The following MOV10L1 variants were observed in gnomAD, a reference collection of about 807,000 sequenced individuals.
The protein encoded by MOV10L1 is Mov10 like RNA helicase 1.
MOV10L1 carries 110 observed loss-of-function variants against 143.8 expected under a neutral mutation model. That is an observed-to-expected ratio of 0.76 (90% confidence interval 0.66 to 0.90). The LOEUF (loss-of-function observed/expected upper bound fraction) is 0.90, where lower values mean the gene tolerates loss of function less well. MOV10L1 is among the 40% of genes least tolerant of loss of function. The pLI is 0.00. For synonymous variants in MOV10L1, 593 were observed against 581.1 expected (o/e 1.02, Z -0.29); for missense variants, 1,406 against 1,526.8 (o/e 0.92, Z 1.32).
chr22:50,136,591 G>A (rs1218824413), intron 15 of MOV10L1, among the ~76,000 whole-genome samples: 1 of 152,216 alleles, frequency 6.6e-6, no homozygotes, highest in Non-Finnish European at 1.5e-5. Context: ...TTCCGAGAGT[G>A]TCTAGGCCAG....
Position 50,090,069 on chromosome 22 carries a change from G to C in MOV10L1, c.-20G>C, listed in dbSNP as rs887952542. 19 of 1,260,216 alleles carry C rather than the reference G, an allele frequency of 1.5e-5. No individual in the cohort carries two copies. The highest frequency in any genetic ancestry group is 1.9e-5 in the Non-Finnish European group (19 of 1,000,208). 78.1% of individuals were successfully genotyped at this position (1,260,216 alleles called of 1,614,324 possible). On this transcript the variant is annotated 5_prime_UTR_variant, in exon 1 of 27. Coordinates refer to ENST00000262794, the MANE Select transcript of MOV10L1 (RefSeq NM_018995.3). ...GGCGGCGGCAGCGGCGGTGACGGCA[G>C]CCTAGGCCGGGCGAGGGCCATGCTG...
intron 3 of MOV10L1, among the ~76,000 whole-genome samples, chr22:50,107,827 G>T (rs993764918): frequency 1.3e-5 from 2 of 152,164 alleles, no homozygotes; most frequent in South Asian, 2.1e-4. Context: ...ACTGCAGGAC[G>T]GGGGAAGGGG....
At chr22:50,108,409 T>C in intron 4 of MOV10L1, 161 bp downstream of exon 4, 1 of 810,888 alleles carries the variant, frequency 1.2e-6, no homozygotes, top group Non-Finnish European at 2.1e-6. Context: ...AATGCTGTGT[T>C]TCGTTTGGAA....
chr22:50,092,005 C>T lies in MOV10L1; in HGVS notation c.102C>T (p.Asp34=), dbSNP rs755347620. 8.1e-6 allele frequency: 13 copies of T among 1,613,054 alleles called. No individual in the cohort carries two copies. The Admixed American group carries it at 1.3e-4, about 17-fold the overall frequency. The change falls in exon 2 of 27, where the codon GAC becomes GAT. Residue 34 remains aspartate (D), a synonymous_variant. Coordinates refer to ENST00000262794, the MANE Select transcript of MOV10L1 (RefSeq NM_018995.3). ...TTCTTTGTTTACCTACCTCAGGTGA[C>T]ACTAAGCTGAAAACTGTACGGGGTG... ...GQLEPELAEG[D]TKLKTVRGVV... is the part of the protein sequence containing the mutation.
rs146079906 is a variant in MOV10L1, at chr22:50,108,838, A to G, written c.737A>G (p.Lys246Arg). ...VWRALCMTLV[K>R]RRDAAPVHEA... ...AGGGCACTTTGTATGACCCTAGTGA[A>G]GAGGCGGTAAGAAAATGCTTTTCTG... The change falls in exon 5 of 27, where the codon AAG becomes AGG. Residue 246 changes from lysine to arginine, a missense_variant. Around this residue, in one of 3 missense-constraint regions of MOV10L1, gnomAD observed 1,233 missense variants for 1,351.4 expected, o/e 0.91. Coordinates refer to ENST00000262794, the MANE Select transcript of MOV10L1 (RefSeq NM_018995.3). The G allele has an allele frequency of 1.2e-6, 2 of 1,613,754 alleles. No individual in the cohort carries two copies. The highest frequency in any genetic ancestry group is 1.3e-5 in the African/African-American group (1 of 74,930).
intron 10 of MOV10L1, among the ~76,000 whole-genome samples, chr22:50,123,435 G>C (rs2062409585): frequency 6.6e-6 from 1 of 152,154 alleles, no homozygotes; most frequent in Admixed American, 6.5e-5. Flanking sequence ...CTCAGTCACT[G>C]CTCACTGCAG....
chr22:50,108,896 G>A (rs13056756), intron 5 of MOV10L1, 52 bp downstream of exon 5: 78 of 1,573,944 alleles, frequency 5.0e-5, no homozygotes, highest in Middle Eastern at 1.9e-4. Flanking sequence ...TGTAATCCTA[G>A]CACTTTGGGA....
chr22:50,108,193 C>T lies in MOV10L1; in HGVS notation c.500C>T (p.Thr167Met), dbSNP rs140089744. Reference protein sequence around the residue: ...VEAEYRIRPGTWSSEATSVKP... With the variant: ...VEAEYRIRPGMWSSEATSVKP... ...GCTGAGTACCGGATCCGGCCTGGCACGTGGAGCAGCGAAGCCACCTCAGTG... is the reference window on the plus strand; with the variant it reads ...GCTGAGTACCGGATCCGGCCTGGCATGTGGAGCAGCGAAGCCACCTCAGTG... The change falls in exon 4 of 27, where the codon ACG becomes ATG. Residue 167 changes from threonine to methionine, a missense_variant. Transcript: ENST00000262794. 2.1e-4 allele frequency: 347 copies of T among 1,614,058 alleles called. No individual in the cohort carries two copies. Among genetic ancestry groups the T allele is most frequent in the African/African-American group, 2.1e-3 (154 of 75,020 alleles).
intron 19 of MOV10L1, among the ~76,000 whole-genome samples, chr22:50,148,299 G>T (rs548684658): frequency 6.6e-6 from 1 of 152,246 alleles, no homozygotes; most frequent in African/African-American, 2.4e-5. Flanking sequence ...TGGGGTGGGC[G>T]AGCCAGGGAA....
chr22:50,099,836 A>T (rs4838828), intron 3 of MOV10L1, among the ~76,000 whole-genome samples: 34,056 of 151,958 alleles, frequency 0.22, 4,179 homozygotes, highest in Admixed American at 0.35. Flanking sequence ...GCTACACACA[A>T]CATTGAAGGG....
chr22:50,147,870 C>T (rs933741860), intron 19 of MOV10L1, among the ~76,000 whole-genome samples: 1 of 152,204 alleles, frequency 6.6e-6, no homozygotes, highest in African/African-American at 2.4e-5. Flanking sequence ...GAGGGGTTCA[C>T]GGTGTCACTT....
chr22:50,137,480 G>A (rs1484475780), intron 15 of MOV10L1, among the ~76,000 whole-genome samples: 1 of 152,068 alleles, frequency 6.6e-6, no homozygotes, highest in Admixed American at 6.6e-5. Flanking sequence ...GGCGGAGGCT[G>A]CAGTGAGCCG....
At chr22:50,108,279 G>C (rs747112826) in intron 4 of MOV10L1, 31 bp downstream of exon 4, 9 of 1,575,918 alleles carry the variant, frequency 5.7e-6, no homozygotes, top group Middle Eastern at 1.7e-4. Flanking sequence ...TCCTCTCTGT[G>C]CTTCTGGCAG....
chr22:50,112,974 G>A (rs929912100), intron 5 of MOV10L1, among the ~76,000 whole-genome samples: 2 of 152,202 alleles, frequency 1.3e-5, no homozygotes, highest in Non-Finnish European at 2.9e-5. Context: ...ACCTCACTGA[G>A]TTTGCAGCAG....
chr22:50,099,368 C>G (rs2062677524), intron 2 of MOV10L1, 75 bp from the exon 3 acceptor site: 1 of 1,534,064 alleles, frequency 6.5e-7, no homozygotes, highest in African/African-American at 1.4e-5. Flanking sequence ...TGGTCTCAGA[C>G]AGGCATGCCA....
chr22:50,111,966 G>T (rs1343453314), intron 5 of MOV10L1, among the ~76,000 whole-genome samples: 2 of 152,190 alleles, frequency 1.3e-5, no homozygotes, highest in Non-Finnish European at 2.9e-5. Flanking sequence ...GGGCCTCTGG[G>T]TGCAGACAGA....
chr22:50,128,904 C>T (rs908001290), intron 13 of MOV10L1, among the ~76,000 whole-genome samples: 15 of 151,594 alleles, frequency 9.9e-5, no homozygotes, highest in Admixed American at 5.3e-4. Context: ...TAGGCTCAAG[C>T]GATCCTCCTG....
intron 3 of MOV10L1, among the ~76,000 whole-genome samples, chr22:50,100,583 A>G (rs1465809497): frequency 3.3e-5 from 5 of 151,742 alleles, no homozygotes; most frequent in Non-Finnish European, 7.4e-5. Context: ...GCACGATCTC[A>G]GCTTACTGCA....
chr22:50,135,054 C>A (rs979084987), intron 15 of MOV10L1, among the ~76,000 whole-genome samples: 1 of 141,308 alleles, frequency 7.1e-6, no homozygotes, highest in Admixed American at 7.8e-5. Context: ...CGCTCTGTCA[C>A]CCAGGCTGGA....
Sources: allele counts gnomAD v4.1 joint callset (sites outside exome capture counted in the v4.1 genomes callset), GRCh38; gene constraint gnomAD v4.1.1; regional missense constraint gnomAD v4.1.1; transcripts MANE v1.5; gene names NCBI Gene and HGNC (gene_info 2026-07-23, HGNC 2026-07-21).